Variants in ANO9 observed in about 807,000 individuals in gnomAD.
The protein encoded by ANO9 is anoctamin 9, also known as anoctamin-9.
In ANO9, 80 loss-of-function variants were observed where a neutral mutation model predicts 100.5. The observed-to-expected ratio is 0.80, with a 90% CI of 0.66 to 0.96. The LOEUF is 0.96. Ranked by LOEUF, ANO9 falls within the 40% of genes least tolerant of loss-of-function variation. The pLI is 0.00. For synonymous variants in ANO9, 473 were observed against 435.6 expected (o/e 1.09, Z -1.07); for missense variants, 1,064 against 1,072.7 (o/e 0.99, Z 0.11).
Position 418,495 on chromosome 11 carries a change from C to G in ANO9, c.2225G>C (p.Arg742Thr), listed in dbSNP as rs779741229. 6 of 1,613,100 alleles carry G rather than the reference C, an allele frequency of 3.7e-6. No homozygotes were observed. In the East Asian group the frequency reaches 1.3e-4, roughly 36 times the overall value. The change falls in exon 23 of 23, where the codon AGG becomes ACG. Residue 742 changes from arginine (R) to threonine (T), a missense_variant. Transcript: ENST00000332826. ...TCCATGCCACATCTTCTCACGCAGCCTCTGGTACTTCACCTCCAGAACCTT... is the reference window on the plus strand; with the variant it reads ...TCCATGCCACATCTTCTCACGCAGCGTCTGGTACTTCACCTCCAGAACCTT... Reference protein sequence around the residue: ...KNKVLEVKYQRLREKMWHGRQ... With the variant: ...KNKVLEVKYQTLREKMWHGRQ...
In ANO9 at chr11:421,329, A is replaced by C; in HGVS notation, c.1335-131T>G. Reference sequence around the variant, plus strand: ...CAGGCCCTGCAGGTGAGCGGGGCACAGGTGCTCACACCCAGATGAACCGCA... The same window carrying C: ...CAGGCCCTGCAGGTGAGCGGGGCACCGGTGCTCACACCCAGATGAACCGCA... On this transcript the variant is annotated intron_variant, in intron 15 of 22. Coordinates refer to ENST00000332826, the MANE Select transcript of ANO9 (RefSeq NM_001012302.3). The surrounding 1 kb of genome is among the most constrained non-coding windows in gnomAD (Gnocchi z 6.8). The C allele has an allele frequency of 2.2e-6, 2 of 922,906 alleles. No homozygotes were observed. The highest frequency in any genetic ancestry group is 3.1e-6 in the Non-Finnish European group (2 of 641,172). 57.2% of individuals were successfully genotyped at this position (922,906 alleles called of 1,614,324 possible).
chr11:433,863 C>T lies in ANO9; in HGVS notation c.156G>A (p.Arg52=). 1 of 1,562,804 alleles carries T rather than the reference C, an allele frequency of 6.4e-7. No homozygotes were observed. The highest frequency in any genetic ancestry group is 1.2e-5 in the South Asian group (1 of 84,966). Residue 52 remains arginine (R), a synonymous_variant, in exon 3 of 23, where the codon CGG becomes CGA. Transcript: ENST00000332826. ...RHTQRDPRQA[R]QQQFLEELRR... is the part of the protein sequence containing the mutation. ...TGAGCTCCTCCAGGAACTGTTGCTG[C>T]CGCGCCTGCCGGGGGTCTCTCTGGG...
intron 1 of ANO9, among the ~76,000 whole-genome samples, chr11:435,257 T>TA: frequency 9.3e-6 from 1 of 108,056 alleles, no homozygotes. Context: ...TAGTCTAGTA[T>TA]GGTATAGTCT....
rs1369838150 is a variant in ANO9, at chr11:421,361, C to T, written c.1335-163G>A. On this transcript the variant is annotated intron_variant, in intron 15 of 22. Transcript: ENST00000332826. This position sits in a 1 kb window ranked among gnomAD's most constrained non-coding sequence, Gnocchi z 6.8. ...CACACCCAGATGAACCGCACCCGCACGTGGGCACGCACACACACACACACA... is the reference window on the plus strand; with the variant it reads ...CACACCCAGATGAACCGCACCCGCATGTGGGCACGCACACACACACACACA... 5 of 633,042 alleles carry T rather than the reference C, an allele frequency of 7.9e-6. No individual in the cohort carries two copies. The East Asian group carries it at 1.5e-4, about 19-fold the overall frequency. 39.2% of individuals were successfully genotyped at this position (633,042 alleles called of 1,614,324 possible). A position where few individuals can be genotyped will look rare whatever the true frequency, so the allele number is the denominator to read the frequency against.
At chr11:433,118 G>A (rs921100939) in intron 4 of ANO9, 196 bp downstream of exon 4, 47 of 691,980 alleles carry the variant, frequency 6.8e-5, no homozygotes, top group Admixed American at 2.0e-4. Flanking sequence ...GAGAACCACC[G>A]TGATCCTTTA....
At chr11:419,986 G>GT in intron 19 of ANO9, 3 of 1,389,210 alleles carry the variant, frequency 2.2e-6, no homozygotes, top group Non-Finnish European at 2.8e-6. Flanking sequence ...CTTCTCAGCT[G>GT]TGCCCCCCAG....
At chr11:419,489 G>A (rs1848046919) in intron 20 of ANO9, 93 bp downstream of exon 20, 1 of 1,523,462 alleles carries the variant, frequency 6.6e-7, no homozygotes, top group Non-Finnish European at 8.8e-7. Flanking sequence ...AACAGGTCCA[G>A]CCATTCCCAG....
chr11:420,959 G>T lies in ANO9; in HGVS notation c.1476C>A (p.Val492=), dbSNP rs746933244. ...TCGGCACTCACGGGACCAGGTACTC[G>T]ACGCAGTTGCTGAGCGTCTGCTTCA... ...MGLKQTLSNC[V]EYLVPWVTHK... is the part of the protein sequence containing the mutation. Residue 492 remains valine (V), a synonymous_variant, in exon 17 of 23, where the codon GTC becomes GTA. Transcript: ENST00000332826. 3 of 1,605,254 alleles carry T rather than the reference G, an allele frequency of 1.9e-6. No individual in the cohort carries two copies. Among genetic ancestry groups the T allele is most frequent in the Non-Finnish European group, 2.6e-6 (3 of 1,174,868 alleles).
chr11:429,764 G>A lies in ANO9; in HGVS notation c.826C>T (p.Leu276Phe). The A allele has an allele frequency of 6.2e-7, 1 of 1,611,084 alleles. No individual in the cohort carries two copies. The highest frequency in any genetic ancestry group is 8.5e-7 in the Non-Finnish European group (1 of 1,178,728). Residue 276 changes from leucine to phenylalanine, a missense_variant, in exon 10 of 23, where the codon CTC becomes TTC. Transcript: ENST00000332826. ...GTVVFAIFMA[L>F]WATVFLEIWK... ...GCGTCCCGCAGCAACTCACCCCAGAGAGCCATGAAGATGGCGAACACCACC... is the reference window on the plus strand; with the variant it reads ...GCGTCCCGCAGCAACTCACCCCAGAAAGCCATGAAGATGGCGAACACCACC...
chr11:419,390 C>T lies in ANO9; in HGVS notation c.1934+192G>A, dbSNP rs181551154. 7.8e-3 allele frequency: 11,082 copies of T among 1,423,140 alleles called. 60 individuals carry two copies. The highest frequency in any genetic ancestry group is 0.012 in the Admixed American group (422 of 34,602). The allele number at this position is 1,423,140 out of a possible 1,614,324, so 88.2% of individuals were successfully genotyped here. A position where few individuals can be genotyped will look rare whatever the true frequency, so the allele number is the denominator to read the frequency against. On this transcript the variant is annotated intron_variant, in intron 20 of 22. Transcript: ENST00000332826. ...CCCAACTGCGGTCCTGGCCAGTTAT[C>T]CCTGACCTCCAGCCCAGGGCCTGCC...
intron 15 of ANO9, among the ~76,000 whole-genome samples, chr11:425,036 G>A (rs1333671075): frequency 8.9e-6 from 1 of 111,812 alleles, no homozygotes; most frequent in African/African-American, 3.5e-5. Context: ...GTGGAGAGAC[G>A]GGACGCGCGG....
chr11:431,972 C>T (rs1564924576), intron 5 of ANO9, 27 bp downstream of exon 5: 1 of 1,612,820 alleles, frequency 6.2e-7, no homozygotes, highest in Non-Finnish European at 8.5e-7. Context: ...CGCAGCGCCC[C>T]TGTCAGTGCC....
In ANO9 at chr11:421,387, CA is replaced by C; in HGVS notation, c.1335-190del. 1.9e-6 allele frequency: 1 copy of C among 514,314 alleles called. No homozygotes were observed. The highest frequency in any genetic ancestry group is 3.3e-6 in the Non-Finnish European group (1 of 300,364). 31.9% of individuals were successfully genotyped at this position (514,314 alleles called of 1,614,324 possible). ...GTGGGCACGCACACACACACACACA[CA>C]CACAGGGGAGGCCACAGGCTCCCAG... On this transcript the variant is annotated intron_variant, in intron 15 of 22. Transcript: ENST00000332826. The surrounding 1 kb of genome is among the most constrained non-coding windows in gnomAD (Gnocchi z 6.8).
Position 429,803 on chromosome 11 carries a change from CAA to C in ANO9, c.785_786del (p.Phe262Ter), listed in dbSNP as rs767778746. 6.2e-7 allele frequency: 1 copy of C among 1,605,682 alleles called. No homozygotes were observed. The highest frequency in any genetic ancestry group is 1.3e-5 in the African/African-American group (1 of 74,638). ...GCGAACACCACCGTGCCATCATTGT[CAA>C]AGAGGTGGGTGAGCTGGGGGGGTGA... ...TCTFAKLTHLFDNDGTVVFAI... is the reference protein window; with the variant it reads ...TCTFAKLTHLXDNDGTVVFAI... On this transcript the variant is annotated frameshift_variant, in exon 10 of 23. Coordinates refer to ENST00000332826, the MANE Select transcript of ANO9 (RefSeq NM_001012302.3). LOFTEE classifies it high-confidence loss of function.
rs1564905947 is a variant in ANO9 at position 421,077 on chromosome 11, T to A, written c.1393-35A>T. The A allele has an allele frequency of 1.3e-6, 2 of 1,586,146 alleles. No individual in the cohort carries two copies. Among genetic ancestry groups the A allele is most frequent in the Non-Finnish European group, 1.7e-6 (2 of 1,160,908 alleles). On this transcript the variant is annotated intron_variant, in intron 16 of 22. Transcript: ENST00000332826. The surrounding 1 kb of genome is among the most constrained non-coding windows in gnomAD (Gnocchi z 6.8). ...CAGACAGGAGGAGATCAGGGAGGGG[T>A]CCTGGGGGACGGTCAGGGGAGCAGT...
In ANO9 at chr11:422,075, C is replaced by A. The variant is rs2133681720; in HGVS notation, c.1335-877G>T. ...AAGTGGATACAAAACGAGCATCCAG[C>A]AGAACTGGCTTTTCCGTGTGCGGCA... On this transcript the variant is annotated intron_variant, in intron 15 of 22. Coordinates refer to ENST00000332826, the MANE Select transcript of ANO9 (RefSeq NM_001012302.3). This position sits in a 1 kb window ranked among gnomAD's most constrained non-coding sequence, Gnocchi z 4.3. 6.6e-6 allele frequency among the ~76,000 whole-genome samples: 1 copy of A among 152,312 alleles called. No homozygotes were observed. The highest frequency in any genetic ancestry group is 1.9e-4 in the East Asian group (1 of 5,190).
chr11:424,923 A>T (rs1848402034), intron 15 of ANO9, among the ~76,000 whole-genome samples: 1 of 152,078 alleles, frequency 6.6e-6, no homozygotes, highest in African/African-American at 2.4e-5. Context: ...TACAAGGAGG[A>T]GACATGGACA....
At chr11:435,522 T>A (rs1445456278) in intron 1 of ANO9, among the ~76,000 whole-genome samples, 2 of 147,870 alleles carry the variant, frequency 1.4e-5, no homozygotes, top group African/African-American at 5.2e-5. Context: ...TAGTCTAGTA[T>A]GGTCTAGTCT....
At chr11:435,030 T>C (rs1454707230) in intron 1 of ANO9, among the ~76,000 whole-genome samples, 1 of 152,104 alleles carries the variant, frequency 6.6e-6, no homozygotes, top group Admixed American at 6.5e-5. Context: ...CCAGGTAAAA[T>C]AGAGGCCACC....
Sources: allele counts gnomAD v4.1 joint callset (sites outside exome capture counted in the v4.1 genomes callset), GRCh38; gene constraint gnomAD v4.1.1; non-coding constraint Gnocchi (gnomAD v3.1); transcripts MANE v1.5; gene names NCBI Gene and HGNC (gene_info 2026-07-23, HGNC 2026-07-21).